The following SAMTOR variants were observed in gnomAD, a reference collection of about 807,000 sequenced individuals.
SAMTOR encodes S-adenosylmethionine sensor upstream of mTORC1.
chr7:112,907,539 T>C, the SAMTOR span, among the ~76,000 whole-genome samples: 1 of 151,478 alleles, frequency 6.6e-6, no homozygotes, highest in African/African-American at 2.4e-5. Flanking sequence ...TGGCAAAAGA[T>C]ATAGTCAAAG....
the SAMTOR span, among the ~76,000 whole-genome samples, chr7:112,911,162 A>G: frequency 1.3e-5 from 2 of 152,124 alleles, no homozygotes; most frequent in African/African-American, 2.4e-5. Context: ...TGTAGAGATA[A>G]TTCTCCCCAT....
chr7:112,926,639 C>T, the SAMTOR span, among the ~76,000 whole-genome samples: 10 of 152,120 alleles, frequency 6.6e-5, no homozygotes, highest in African/African-American at 2.4e-4. Context: ...AAATATATAA[C>T]TGACAGTAGA....
chr7:112,831,502 C>A, the SAMTOR span, among the ~76,000 whole-genome samples: 1 of 152,024 alleles, frequency 6.6e-6, no homozygotes, highest in Non-Finnish European at 1.5e-5. Flanking sequence ...ACCAAAAATA[C>A]AAAGTTAGCT....
At chr7:112,878,898 G>C in the SAMTOR span, among the ~76,000 whole-genome samples, 3 of 152,074 alleles carry the variant, frequency 2.0e-5, no homozygotes, top group Non-Finnish European at 4.4e-5. Flanking sequence ...TGGAAAAAGA[G>C]ACTACTTAGT....
chr7:112,935,028 A>G, the SAMTOR span, among the ~76,000 whole-genome samples: 1 of 152,192 alleles, frequency 6.6e-6, no homozygotes. Flanking sequence ...TGGGAATGGC[A>G]GTTCAAACTC....
the SAMTOR span, among the ~76,000 whole-genome samples, chr7:112,902,439 C>CAAAAAAAAAAAAAAA: frequency 1.2e-5 from 1 of 81,460 alleles, no homozygotes. Context: ...CAAAAAAAAA[C>CAAAAAAAAAAAAAAA]AAAAAAAAAC....
At chr7:112,850,036 G>A in the SAMTOR span, among the ~76,000 whole-genome samples, 2 of 151,998 alleles carry the variant, frequency 1.3e-5, no homozygotes, top group Admixed American at 6.6e-5. Context: ...GAGAAACTCC[G>A]TTTCTACTAA....
the SAMTOR span, among the ~76,000 whole-genome samples, chr7:112,846,145 C>CTTTTTTTTTTT: frequency 7.1e-4 from 91 of 129,002 alleles, 2 homozygotes; most frequent in African/African-American, 2.3e-3. Context: ...ATCTGTACAA[C>CTTTTTTTTTTT]TTTTTTTTTT....
At chr7:112,919,661 C>G in the SAMTOR span, among the ~76,000 whole-genome samples, 6 of 152,074 alleles carry the variant, frequency 3.9e-5, no homozygotes, top group East Asian at 1.9e-4. Context: ...AATCCAGGAG[C>G]TGGTTTTTTG....
chr7:112,831,239 T>C, the SAMTOR span, among the ~76,000 whole-genome samples: 3 of 152,350 alleles, frequency 2.0e-5, no homozygotes, highest in East Asian at 5.8e-4. Context: ...GTAAACATAA[T>C]GAATTAATGT....
At chr7:112,905,604 C>T in the SAMTOR span, among the ~76,000 whole-genome samples, 1 of 152,058 alleles carries the variant, frequency 6.6e-6, no homozygotes, top group Admixed American at 6.6e-5. Flanking sequence ...TTCAGGAATG[C>T]AAGGATGGTT....
the SAMTOR span, among the ~76,000 whole-genome samples, chr7:112,925,030 GACAT>G: frequency 1.3e-5 from 2 of 152,146 alleles, no homozygotes; most frequent in South Asian, 4.1e-4. Context: ...GTTCATTTAA[GACAT>G]ACAGTTTGAG....
At chr7:112,820,742 G>A in the SAMTOR span, 3 of 151,976 alleles carry the variant, frequency 2.0e-5, no homozygotes, top group Non-Finnish European at 2.9e-5. Flanking sequence ...GATACCAAAA[G>A]GTCAAAACCA....
the SAMTOR span, chr7:112,819,313 C>T: frequency 2.6e-5 from 4 of 152,538 alleles, no homozygotes; most frequent in Non-Finnish European, 2.9e-5. Flanking sequence ...CAAATGATTA[C>T]CATTTGTTTT....
At chr7:112,820,396 T>C in the SAMTOR span, 1 of 152,202 alleles carries the variant, frequency 6.6e-6, no homozygotes, top group African/African-American at 2.4e-5. Flanking sequence ...ACGCACAACA[T>C]TAACCATGAA....
At chr7:112,919,262 T>C in the SAMTOR span, among the ~76,000 whole-genome samples, 2 of 152,108 alleles carry the variant, frequency 1.3e-5, no homozygotes, top group South Asian at 2.1e-4. Context: ...CAGAGCACAG[T>C]GCAATCAAAC....
At chr7:112,846,067 C>T in the SAMTOR span, among the ~76,000 whole-genome samples, 13 of 141,422 alleles carry the variant, frequency 9.2e-5, no homozygotes, top group African/African-American at 3.5e-4. Context: ...GGGCAGAGGT[C>T]AGGAGGAGGG....
chr7:112,851,554 T>A, the SAMTOR span, among the ~76,000 whole-genome samples: 1 of 152,138 alleles, frequency 6.6e-6, no homozygotes, highest in Admixed American at 6.5e-5. Context: ...GAAGATTGAT[T>A]AAAGATTTAA....
the SAMTOR span, among the ~76,000 whole-genome samples, chr7:112,885,372 C>G: frequency 6.6e-6 from 1 of 152,294 alleles, no homozygotes; most frequent in East Asian, 1.9e-4. Flanking sequence ...TTTTTCTTTT[C>G]TATCATATCA....
Sources: gnomAD v4.1 joint callset for allele counts (sites outside exome capture counted in the v4.1 genomes callset) on GRCh38, gnomAD v4.1.1 for gene constraint, MANE v1.5 for transcripts, NCBI Gene and HGNC (gene_info 2026-07-23, HGNC 2026-07-21) for gene names.